PTPRM: variants seen among roughly 807,000 people sequenced by gnomAD.
PTPRM encodes the protein protein tyrosine phosphatase receptor type M, also known as receptor-type tyrosine-protein phosphatase mu.
A neutral mutation model predicts 186.7 loss-of-function variants in PTPRM; 47 were observed. The ratio of observed to expected loss-of-function variants is 0.25; its 90% CI spans 0.20 to 0.32. The LOEUF is 0.32. Ranked by LOEUF, PTPRM falls within the 10% of genes least tolerant of loss-of-function variation. The probability of loss-of-function intolerance (pLI) is 1.00; values close to 1 mark genes in which losing one functional copy is unlikely to be tolerated. For missense variants in PTPRM, 1,494 were observed against 1,865.0 expected (o/e 0.80, Z 3.66); for synonymous variants, 668 against 674.9 (o/e 0.99, Z 0.16).
rs111763565 is a variant in PTPRM, at chr18:7,757,828, G to A, written c.74-16321G>A. 1.1e-4 allele frequency among the ~76,000 whole-genome samples: 16 copies of A among 152,256 alleles called. 1 individual carries two copies. Among genetic ancestry groups the A allele is most frequent in the African/African-American group, 3.4e-4 (14 of 41,552 alleles). ...GAGCTTAATGTGCATGGTTGCAGGC[G>A]AGTGGGTATGGGGTATCCCAAGCCC... On this transcript the variant is annotated intron_variant, in intron 1 of 32. Transcript: ENST00000580170.
intron 19 of PTPRM, among the ~76,000 whole-genome samples, chr18:8,268,932 T>C (rs1180631698): frequency 3.3e-5 from 5 of 151,950 alleles, no homozygotes; most frequent in East Asian, 1.9e-4. Flanking sequence ...CCTCAGCATA[T>C]ATGAAAGGCC....
chr18:7,736,428 T>C (rs1474172532), intron 1 of PTPRM, among the ~76,000 whole-genome samples: 1 of 152,166 alleles, frequency 6.6e-6, no homozygotes, highest in African/African-American at 2.4e-5. Flanking sequence ...CAAGCAATTC[T>C]CCTGCCTCAG....
At chr18:8,173,608 G>A (rs1457378389) in intron 14 of PTPRM, among the ~76,000 whole-genome samples, 1 of 152,210 alleles carries the variant, frequency 6.6e-6, no homozygotes, top group East Asian at 1.9e-4. Context: ...GTAGGAGACA[G>A]AGTTATTATT....
At position 8,069,749 on chromosome 18, in the gene PTPRM, G is replaced by T. The variant is rs141549150; in HGVS notation, c.1196G>T (p.Arg399Leu). The change falls in exon 8 of 33, where the codon CGC (arginine) becomes CTC (leucine). Residue 399 changes from arginine (R) to leucine (L), a missense_variant. Arg to Leu is a moderately radical substitution (Grantham distance 102, BLOSUM62 -2). Around this residue, in one of 3 missense-constraint regions of PTPRM, gnomAD observed 91 missense variants for 169.3 expected, o/e 0.54. Coordinates refer to ENST00000580170, the MANE Select transcript of PTPRM (RefSeq NM_001105244.2). Reference sequence around the variant, plus strand: ...GTCAAATCTCGGCAAATCACTATCCGCTGGGAGCCATTTGGATATAATGTA... The same window carrying T: ...GTCAAATCTCGGCAAATCACTATCCTCTGGGAGCCATTTGGATATAATGTA... ...VEVKSRQITI[R>L]WEPFGYNVTR... 5 of 1,613,830 alleles carry T rather than the reference G, an allele frequency of 3.1e-6. No individual in the cohort carries two copies. The highest frequency in any genetic ancestry group is 1.7e-5 in the Admixed American group (1 of 60,026).
At chr18:8,402,547 T>C (rs148624548) in intron 32 of PTPRM, among the ~76,000 whole-genome samples, 209 of 152,318 alleles carry the variant, frequency 1.4e-3, no homozygotes, top group African/African-American at 4.8e-3. Flanking sequence ...CCACTGAAAT[T>C]AATTGCACAA....
chr18:7,724,576 G>T (rs1598439521), intron 1 of PTPRM, among the ~76,000 whole-genome samples: 1 of 152,116 alleles, frequency 6.6e-6, no homozygotes, highest in Admixed American at 6.5e-5. Flanking sequence ...TGCCTGAAAA[G>T]ATTTTTTCAG....
chr18:7,949,218 A>G lies in PTPRM; in HGVS notation c.701A>G (p.Lys234Arg). ...DVRDAPLKEI[K>R]VTSSRRFIAS... The stretch of plus-strand genomic sequence containing the variant: ...CGAGATGCTCCTCTGAAGGAAATCA[A>G]GGTGACCAGCTCCCGACGCTTCATT... Residue 234 changes from lysine (K) to arginine (R), a missense_variant, in exon 6 of 33, where the codon AAG (lysine) becomes AGG (arginine). Physicochemically the swap from Lys to Arg is conservative, Grantham distance 26. This residue lies in a region of PTPRM where 296 missense variants were observed against 345.5 expected (regional missense o/e 0.86). Transcript: ENST00000580170. 6.2e-7 allele frequency: 1 copy of G among 1,611,336 alleles called. No individual in the cohort carries two copies.
chr18:8,145,837 G>C (rs926526639), intron 14 of PTPRM, among the ~76,000 whole-genome samples: 1 of 152,018 alleles, frequency 6.6e-6, no homozygotes, highest in Non-Finnish European at 1.5e-5. Flanking sequence ...TAATCCTTTG[G>C]GTATATTCCC....
At chr18:8,238,649 GTGTTTTTTTTTTTTTTT>G (rs1304981047) in intron 14 of PTPRM, among the ~76,000 whole-genome samples, 7 of 73,698 alleles carry the variant, frequency 9.5e-5, no homozygotes, top group African/African-American at 2.1e-4. Context: ...ACTGTTTTGT[GTGTTTTTTTTTTTTTTT>G]TTTTTTTTTT....
At chr18:8,049,553 A>G (rs904968592) in intron 7 of PTPRM, 9 of 152,182 alleles carry the variant, frequency 5.9e-5, no homozygotes, top group African/African-American at 2.2e-4. Context: ...TATGTTGATT[A>G]ACAAATGTAG....
At chr18:8,027,835 T>G (rs144069063) in intron 7 of PTPRM, among the ~76,000 whole-genome samples, 177 of 152,226 alleles carry the variant, frequency 1.2e-3, no homozygotes, top group African/African-American at 4.0e-3. Flanking sequence ...GAAGTAGAAT[T>G]TATCACTGGG....
chr18:8,294,374 G>T (rs780810732), intron 19 of PTPRM, among the ~76,000 whole-genome samples: 1 of 152,212 alleles, frequency 6.6e-6, no homozygotes, highest in Non-Finnish European at 1.5e-5. Flanking sequence ...GGCAGAAGGG[G>T]AAGCAAACAC....
rs145440323 is a variant in PTPRM, at chr18:8,205,590, G to A, written c.2301-38468G>A. Among the ~76,000 whole-genome samples, 306 of 152,264 alleles carry A rather than the reference G, an allele frequency of 2.0e-3. 1 individual carries two copies. The highest frequency in any genetic ancestry group is 7.0e-3 in the African/African-American group (290 of 41,552). ...CATATAGTTATATTTGGAATGATACGTTATGCTTGAGTTAGAAAAATAATT... is the reference window on the plus strand; with the variant it reads ...CATATAGTTATATTTGGAATGATACATTATGCTTGAGTTAGAAAAATAATT... On this transcript the variant is annotated intron_variant, in intron 14 of 32. Coordinates refer to ENST00000580170, the MANE Select transcript of PTPRM (RefSeq NM_001105244.2).
chr18:8,005,128 C>T (rs2084102077), intron 7 of PTPRM, among the ~76,000 whole-genome samples: 1 of 152,140 alleles, frequency 6.6e-6, no homozygotes, highest in Admixed American at 6.5e-5. Context: ...TTGGGCATGG[C>T]TGGTGAATGG....
At chr18:8,280,016 ATG>A (rs533977867) in intron 19 of PTPRM, among the ~76,000 whole-genome samples, 146 of 152,332 alleles carry the variant, frequency 9.6e-4, no homozygotes, top group African/African-American at 3.4e-3. Flanking sequence ...CTTCCATTTA[ATG>A]TGTGTGCAGC....
chr18:8,246,194 C>T (rs969715175), intron 15 of PTPRM, among the ~76,000 whole-genome samples: 15 of 152,132 alleles, frequency 9.9e-5, no homozygotes, highest in African/African-American at 3.6e-4. Context: ...GAAAGATGTT[C>T]CTTAGACCAC....
At chr18:7,763,242 T>C (rs778622018) in intron 1 of PTPRM, among the ~76,000 whole-genome samples, 3 of 152,226 alleles carry the variant, frequency 2.0e-5, no homozygotes, top group Non-Finnish European at 2.9e-5. Flanking sequence ...GAAAATTATT[T>C]GGACCCCAGT....
intron 23 of PTPRM, among the ~76,000 whole-genome samples, chr18:8,369,504 T>C (rs1020194086): frequency 5.9e-5 from 9 of 152,340 alleles, no homozygotes; most frequent in African/African-American, 2.2e-4. Flanking sequence ...TGGTTGGGTT[T>C]GCGAGAAGGA....
At chr18:7,862,364 A>G (rs1477156318) in intron 2 of PTPRM, among the ~76,000 whole-genome samples, 1 of 152,216 alleles carries the variant, frequency 6.6e-6, no homozygotes, top group Admixed American at 6.5e-5. Flanking sequence ...AAATACTGCT[A>G]ATAAAATTGT....
Sources: gnomAD v4.1 joint callset for allele counts (sites outside exome capture counted in the v4.1 genomes callset) on GRCh38, gnomAD v4.1.1 for gene constraint, gnomAD v4.1.1 regional missense constraint, MANE v1.5 for transcripts, NCBI Gene and HGNC (gene_info 2026-07-23, HGNC 2026-07-21) for gene names.